Variants in ADAM10 observed in about 807,000 individuals in gnomAD.
The protein encoded by ADAM10 is ADAM metallopeptidase domain 10.
ADAM10 carries 17 observed loss-of-function variants against 90.1 expected under a neutral mutation model. That is an observed-to-expected ratio of 0.19 (90% CI 0.13 to 0.28). The LOEUF (loss-of-function observed/expected upper bound fraction) is 0.28. ADAM10 is among the 10% of genes least tolerant of loss of function. The pLI, the probability that ADAM10 is intolerant of heterozygous loss-of-function variation, is 1.00. For missense variants in ADAM10, 610 were observed against 914.3 expected, an observed-to-expected ratio of 0.67 and a Z score of 4.29; for synonymous variants, 310 against 298.6, an observed-to-expected ratio of 1.04 and a Z score of -0.40.
At chr15:58,628,570 C>G (rs746606640) in intron 9 of ADAM10, among the ~76,000 whole-genome samples, 10 of 152,122 alleles carry the variant, frequency 6.6e-5, no homozygotes, top group Non-Finnish European at 1.3e-4. Flanking sequence ...CAGATACATA[C>G]AGCATAGCTC....
intron 11 of ADAM10, among the ~76,000 whole-genome samples, chr15:58,613,245 A>C (rs1895502804): frequency 6.6e-6 from 1 of 152,198 alleles, no homozygotes; most frequent in Non-Finnish European, 1.5e-5. Context: ...ACCTACCTGG[A>C]AAAAGAAGCA....
chr15:58,669,374 A>C (rs1410430199), intron 4 of ADAM10, among the ~76,000 whole-genome samples: 1 of 152,216 alleles, frequency 6.6e-6, no homozygotes. Flanking sequence ...CACTGGATTC[A>C]AAAGATAGGG....
At chr15:58,733,356 T>C (rs1002937561) in intron 1 of ADAM10, among the ~76,000 whole-genome samples, 5 of 152,148 alleles carry the variant, frequency 3.3e-5, no homozygotes, top group Admixed American at 3.3e-4. Flanking sequence ...ATGACCCAGC[T>C]CCTGCCCAAA....
chr15:58,693,121 G>A (rs763240158), intron 2 of ADAM10: 2 of 739,016 alleles, frequency 2.7e-6, no homozygotes, highest in African/African-American at 3.4e-5. Flanking sequence ...GATTATGAGA[G>A]ACATGAGTTG....
intron 4 of ADAM10, among the ~76,000 whole-genome samples, chr15:58,667,848 G>C (rs761589113): frequency 6.6e-6 from 1 of 151,902 alleles, no homozygotes; most frequent in Non-Finnish European, 1.5e-5. Flanking sequence ...GTGGATGGGA[G>C]GCCGTTTCTC....
chr15:58,621,991 CT>C (rs560280247), intron 10 of ADAM10, among the ~76,000 whole-genome samples: 1 of 151,934 alleles, frequency 6.6e-6, no homozygotes, highest in Non-Finnish European at 1.5e-5. Flanking sequence ...AAAATTAAGC[CT>C]TTTTTTGCAA....
intron 2 of ADAM10, among the ~76,000 whole-genome samples, chr15:58,683,859 C>CAAAAAAAAAA (rs71425819): frequency 3.9e-4 from 26 of 67,240 alleles, no homozygotes; most frequent in East Asian, 1.2e-3. Flanking sequence ...GGCTCCATCT[C>CAAAAAAAAAA]AAAAAAAAAA....
At chr15:58,686,623 C>G in intron 2 of ADAM10, 1 of 881,936 alleles carries the variant, frequency 1.1e-6, no homozygotes, top group Non-Finnish European at 1.9e-6. Flanking sequence ...TCTGAAGACT[C>G]TAAGAGAGAA....
intron 5 of ADAM10, among the ~76,000 whole-genome samples, chr15:58,650,224 T>C (rs1896651693): frequency 1.3e-5 from 2 of 152,224 alleles, no homozygotes. Flanking sequence ...TCATGTTGTT[T>C]TGTTTGTTCA....
chr15:58,712,332 C>T (rs1898501147), intron 2 of ADAM10, among the ~76,000 whole-genome samples: 1 of 151,540 alleles, frequency 6.6e-6, no homozygotes, highest in African/African-American at 2.4e-5. Context: ...GGAACCTGGG[C>T]AACATGGCAA....
In ADAM10 at chr15:58,611,917, T is replaced by C. The variant is rs1895450067; in HGVS notation, c.1586A>G (p.Asp529Gly). 2.5e-6 allele frequency: 4 copies of C among 1,614,018 alleles called. No individual in the cohort carries two copies. The highest frequency in any genetic ancestry group is 3.4e-6 in the Non-Finnish European group (4 of 1,180,024). ...ATTACATATTCCTTCCCTTGCACAG[T>C]CTGAATCATCCCGACACTTCTCAGA... Reference protein sequence around the residue: ...SKSEKCRDDSDCAREGICNGF... With the variant: ...SKSEKCRDDSGCAREGICNGF... Residue 529 changes from aspartate (D) to glycine (G), a missense_variant, in exon 12 of 16, where the codon GAC becomes GGC. This residue lies in a region of ADAM10 where 53 missense variants were observed against 62.0 expected (regional missense o/e 0.85). Transcript: ENST00000260408.
chr15:58,663,707 T>TA (rs1438282509), intron 5 of ADAM10, among the ~76,000 whole-genome samples: 3 of 152,138 alleles, frequency 2.0e-5, no homozygotes, highest in Non-Finnish European at 4.4e-5. Context: ...TCCATTCATT[T>TA]AAAATCAATC....
rs1196706551 is a variant in ADAM10, at chr15:58,622,412, T to C, written c.1361-791A>G. Among the ~76,000 whole-genome samples the C allele has an allele frequency of 2.0e-5, 3 of 152,184 alleles. No individual in the cohort carries two copies. In the East Asian group the frequency reaches 5.8e-4, roughly 29 times the overall value. On this transcript the variant is annotated intron_variant, in intron 10 of 15. Coordinates refer to ENST00000260408, the MANE Select transcript of ADAM10 (RefSeq NM_001110.4). ...CCCCTCATGGTTGCTTTTTGACAGG[T>C]CTCTTATGTTCTTTTAACGTGTAAT...
intron 1 of ADAM10, among the ~76,000 whole-genome samples, chr15:58,727,085 T>C (rs1201815822): frequency 6.6e-6 from 1 of 151,370 alleles, no homozygotes; most frequent in Non-Finnish European, 1.5e-5. Context: ...TAGCTCATTG[T>C]ACCCTCAACC....
chr15:58,636,546 A>G (rs927589152), intron 8 of ADAM10, among the ~76,000 whole-genome samples: 15 of 152,220 alleles, frequency 9.9e-5, no homozygotes, highest in Admixed American at 2.6e-4. Flanking sequence ...TGACAAATAC[A>G]TAAGTTGTGA....
At chr15:58,726,108 C>T (rs74017293) in intron 1 of ADAM10, among the ~76,000 whole-genome samples, 7,621 of 152,096 alleles carry the variant, frequency 0.05, 651 homozygotes, top group African/African-American at 0.17. Flanking sequence ...TTATGACACA[C>T]AGAATTAAAA....
chr15:58,601,391 G>T (rs1421707144), intron 14 of ADAM10, among the ~76,000 whole-genome samples: 5 of 152,012 alleles, frequency 3.3e-5, no homozygotes, highest in Non-Finnish European at 7.4e-5. Flanking sequence ...AACCAGGGAG[G>T]CAGAGGTTAC....
At chr15:58,661,340 C>T (rs1341458551) in intron 5 of ADAM10, among the ~76,000 whole-genome samples, 3 of 152,132 alleles carry the variant, frequency 2.0e-5, no homozygotes, top group Non-Finnish European at 4.4e-5. Flanking sequence ...CAGTGTAGGT[C>T]ACCTAGACAC....
chr15:58,601,838 C>T (rs1376817752), intron 14 of ADAM10, among the ~76,000 whole-genome samples: 1 of 152,126 alleles, frequency 6.6e-6, no homozygotes, highest in Non-Finnish European at 1.5e-5. Flanking sequence ...TGGGAATGTC[C>T]TTCAATTTGG....
Sources: gnomAD v4.1 joint callset for allele counts (sites outside exome capture counted in the v4.1 genomes callset) on GRCh38, gnomAD v4.1.1 for gene constraint, gnomAD v4.1.1 regional missense constraint, MANE v1.5 for transcripts, NCBI Gene and HGNC (gene_info 2026-07-23, HGNC 2026-07-21) for gene names.